Variants in RAD51B observed in about 807,000 individuals in gnomAD.
RAD51B encodes the protein RAD51 paralog B.
Under a neutral mutation model 42.2 loss-of-function variants are expected in RAD51B, and 38 were observed. The ratio of observed to expected loss-of-function variants is 0.90; its 90% CI spans 0.70 to 1.18. The LOEUF is 1.18. Ranked by LOEUF, RAD51B falls within the 50% of genes most tolerant of loss-of-function variation. The probability of loss-of-function intolerance (pLI) is 0.00; values close to 1 mark genes in which losing one functional copy is unlikely to be tolerated. For synonymous variants in RAD51B, 154 were observed against 145.2 expected, an observed-to-expected ratio of 1.06 and a Z score of -0.43; for missense variants, 373 against 400.7, an observed-to-expected ratio of 0.93 and a Z score of 0.59.
chr14:68,341,983 G>A (rs1461970822), intron 8 of RAD51B, among the ~76,000 whole-genome samples: 2 of 151,964 alleles, frequency 1.3e-5, no homozygotes, highest in Admixed American at 6.6e-5. Context: ...GACATATTGT[G>A]TATAGTGTAA....
chr14:68,452,585 ACT>A (rs924049243), intron 9 of RAD51B, among the ~76,000 whole-genome samples: 4 of 152,152 alleles, frequency 2.6e-5, no homozygotes, highest in Admixed American at 6.5e-5. Flanking sequence ...ACACATAGGC[ACT>A]CTCACATGGA....
intron 7 of RAD51B, among the ~76,000 whole-genome samples, chr14:67,963,707 G>A (rs2074713670): frequency 6.6e-6 from 1 of 151,968 alleles, no homozygotes; most frequent in South Asian, 2.1e-4. Context: ...ATCCTTCCAA[G>A]AAATAAACAG....
chr14:67,891,916 C>G (rs1206558239), intron 7 of RAD51B, among the ~76,000 whole-genome samples: 2 of 152,072 alleles, frequency 1.3e-5, no homozygotes, highest in African/African-American at 4.8e-5. Context: ...TCAGAACTGT[C>G]ACTTTTGTGA....
intron 9 of RAD51B, among the ~76,000 whole-genome samples, chr14:68,432,138 T>G (rs150811756): frequency 0.16 from 23,974 of 152,230 alleles, 2,499 homozygotes; most frequent in Non-Finnish European, 0.23. Flanking sequence ...ATTTCTGTTC[T>G]TTTACATTTA....
At chr14:68,352,953 C>T (rs1043527546) in intron 8 of RAD51B, among the ~76,000 whole-genome samples, 1 of 152,136 alleles carries the variant, frequency 6.6e-6, no homozygotes, top group African/African-American at 2.4e-5. Flanking sequence ...TACTATTTTT[C>T]CTCCCATGTT....
At chr14:68,299,491 T>A (rs978747585) in intron 8 of RAD51B, among the ~76,000 whole-genome samples, 1 of 152,164 alleles carries the variant, frequency 6.6e-6, no homozygotes, top group African/African-American at 2.4e-5. Flanking sequence ...ATCTAGAGAT[T>A]ATTTAAAGTA....
At chr14:68,118,309 T>A (rs182350285) in intron 7 of RAD51B, among the ~76,000 whole-genome samples, 5 of 152,278 alleles carry the variant, frequency 3.3e-5, no homozygotes, top group African/African-American at 1.2e-4. Context: ...TTTCTCCAAT[T>A]TTCCCCACTA....
chr14:68,399,299 C>T (rs2084019978), intron 8 of RAD51B, among the ~76,000 whole-genome samples: 2 of 149,796 alleles, frequency 1.3e-5, no homozygotes, highest in South Asian at 4.2e-4. Flanking sequence ...CTGTGTCGCC[C>T]AGGCTGGAGT....
intron 8 of RAD51B, among the ~76,000 whole-genome samples, chr14:68,380,905 A>G (rs1199223765): frequency 6.6e-6 from 1 of 152,228 alleles, no homozygotes; most frequent in African/African-American, 2.4e-5. Flanking sequence ...GTAAAAATAA[A>G]TGAGATGGGC....
chr14:67,872,183 A>G (rs2042559069), intron 5 of RAD51B, among the ~76,000 whole-genome samples: 1 of 149,888 alleles, frequency 6.7e-6, no homozygotes, highest in South Asian at 2.1e-4. Context: ...GTATATCTAG[A>G]AAACCCCATT....
At chr14:67,838,470 T>C (rs1238233235) in intron 4 of RAD51B, among the ~76,000 whole-genome samples, 3 of 152,108 alleles carry the variant, frequency 2.0e-5, no homozygotes, top group African/African-American at 7.2e-5. Context: ...AGATACATGG[T>C]CTAGCTGTGT....
At chr14:68,549,262 TG>T (rs1182162697) in intron 10 of RAD51B, among the ~76,000 whole-genome samples, 1 of 150,568 alleles carries the variant, frequency 6.6e-6, no homozygotes, top group East Asian at 2.0e-4. Flanking sequence ...GGGGGAGGGA[TG>T]GGGGGAGAAA....
At chr14:68,571,756 T>C (rs1566941509) in intron 10 of RAD51B, among the ~76,000 whole-genome samples, 1 of 151,504 alleles carries the variant, frequency 6.6e-6, no homozygotes, top group Admixed American at 6.6e-5. Flanking sequence ...AGTTGGTTGA[T>C]TGTTAGTTGT....
At chr14:68,563,690 T>G in intron 10 of RAD51B, 16 of 985,426 alleles carry the variant, frequency 1.6e-5, no homozygotes, top group Non-Finnish European at 1.9e-5. Flanking sequence ...ATTCCCAGAT[T>G]GCTCAAATTC....
intron 7 of RAD51B, among the ~76,000 whole-genome samples, chr14:68,134,543 C>G (rs1046399059): frequency 1.3e-5 from 2 of 152,028 alleles, no homozygotes; most frequent in African/African-American, 2.4e-5. Flanking sequence ...AATGGCGATT[C>G]CATTTTACAT....
At chr14:68,574,052 C>T (rs1889846576) in intron 10 of RAD51B, among the ~76,000 whole-genome samples, 1 of 152,022 alleles carries the variant, frequency 6.6e-6, no homozygotes, top group Non-Finnish European at 1.5e-5. Context: ...TCTCCACCCC[C>T]ACCCCTACTC....
intron 7 of RAD51B, among the ~76,000 whole-genome samples, chr14:68,288,699 A>G (rs1263575915): frequency 6.6e-6 from 1 of 152,242 alleles, no homozygotes; most frequent in Non-Finnish European, 1.5e-5. Context: ...TTTCTGGAGC[A>G]TACAGTACCT....
At chr14:68,461,834 A>G (rs1231684612) in intron 9 of RAD51B, among the ~76,000 whole-genome samples, 1 of 152,228 alleles carries the variant, frequency 6.6e-6, no homozygotes, top group Non-Finnish European at 1.5e-5. Flanking sequence ...GAGAGTTTAC[A>G]AGGAGAAGCC....
intron 7 of RAD51B, among the ~76,000 whole-genome samples, chr14:68,245,613 G>A (rs1329101296): frequency 6.6e-6 from 1 of 152,220 alleles, no homozygotes; most frequent in Non-Finnish European, 1.5e-5. Context: ...TTTAAAAGTG[G>A]AGGTGGGCAT....
Sources: gnomAD v4.1 joint callset for allele counts (sites outside exome capture counted in the v4.1 genomes callset) on GRCh38, gnomAD v4.1.1 for gene constraint, MANE v1.5 for transcripts, NCBI Gene and HGNC (gene_info 2026-07-23, HGNC 2026-07-21) for gene names.